OVCH1: variants seen among roughly 807,000 people sequenced by gnomAD.
The protein encoded by OVCH1 is ovochymase-1.
A neutral mutation model predicts 138.4 loss-of-function variants in OVCH1; 139 were observed. The ratio of observed to expected loss-of-function variants is 1.00; its 90% CI spans 0.87 to 1.16. OVCH1 has a LOEUF of 1.16. Among genes scored for constraint, OVCH1 ranks in the 50% most tolerant of loss-of-function variants. OVCH1 has a pLI of 0.00. For missense variants in OVCH1, 1,367 were observed against 1,357.9 expected, an observed-to-expected ratio of 1.01 and a Z score of -0.11; for synonymous variants, 453 against 467.8, an observed-to-expected ratio of 0.97 and a Z score of 0.41.
chr12:29,496,070 AG>A, intron 3 of OVCH1, 110 bp downstream of exon 3: 1 of 936,484 alleles, frequency 1.1e-6, no homozygotes, highest in Middle Eastern at 2.2e-4. Flanking sequence ...GTACACTGGG[AG>A]GCAAAAGTAA....
chr12:29,411,256 C>T (rs1940951296), downstream of OVCH1, among the ~76,000 whole-genome samples: 1 of 139,452 alleles, frequency 7.2e-6, no homozygotes, highest in Non-Finnish European at 1.6e-5. Context: ...TTTGAATTTC[C>T]TCCTGTAGCT....
chr12:29,410,524 G>T (rs1234729876), downstream of OVCH1, among the ~76,000 whole-genome samples: 2 of 124,206 alleles, frequency 1.6e-5, 1 homozygote, highest in Non-Finnish European at 3.7e-5. Flanking sequence ...AAATCTGTCA[G>T]CATTTGCTTG....
At chr12:29,477,189 T>G in exon 12 of OVCH1, 1 of 1,613,836 alleles carries the variant, frequency 6.2e-7, no homozygotes, top group South Asian at 1.1e-5. Context: ...CAGAGTGATT[T>G]GTCCCTTCTT....
At chr12:29,423,157 T>TC (rs1184131311), downstream of OVCH1, 1 of 446,716 alleles carries the variant, frequency 2.2e-6, no homozygotes, top group South Asian at 1.6e-5. Context: ...TCAATATTGC[T>TC]CTTCTGTGAT....
chr12:29,417,826 G>A (rs1458016021), intron 3 of OVCH1, among the ~76,000 whole-genome samples: 7 of 151,774 alleles, frequency 4.6e-5, no homozygotes, highest in Non-Finnish European at 8.8e-5. Context: ...GCAACCCAGA[G>A]ATTACACTGT....
chr12:29,445,164 T>C, intron 23 of OVCH1, 114 bp downstream of exon 23: 1 of 1,252,372 alleles, frequency 8.0e-7, no homozygotes, highest in Middle Eastern at 2.1e-4. Context: ...ATATACTCAT[T>C]TCCCCACAGA....
In OVCH1 at chr12:29,445,375, TGAGTA is replaced by T. The variant is rs1941585000; in HGVS notation, c.2779_2783del (p.Tyr927AsnfsTer38). ...GCGGTCCAGGACTCATGAAAGTCAT[TGAGTA>T]AAGTCTTCTTCCATGTAATCCACCT... On this transcript the variant is annotated frameshift_variant, in exon 23 of 28. Transcript: ENST00000318184. LOFTEE classifies it high-confidence loss of function. 1.2e-6 allele frequency: 2 copies of T among 1,610,872 alleles called. No individual in the cohort carries two copies. Among genetic ancestry groups the T allele is most frequent in the Non-Finnish European group, 1.7e-6 (2 of 1,177,756 alleles).
intron 23 of OVCH1, among the ~76,000 whole-genome samples, chr12:29,444,858 CTCTAA>C (rs1941572712): frequency 1.3e-5 from 2 of 152,042 alleles, no homozygotes; most frequent in East Asian, 3.9e-4. Flanking sequence ...TCAAAACTTA[CTCTAA>C]TCTTTTATTA....
At chr12:29,470,510 C>T (rs1281971815) in intron 16 of OVCH1, among the ~76,000 whole-genome samples, 2 of 152,116 alleles carry the variant, frequency 1.3e-5, no homozygotes, top group Non-Finnish European at 2.9e-5. Flanking sequence ...AGAATGATGG[C>T]TTCCAGCTTT....
downstream of OVCH1, chr12:29,423,240 A>G (rs1228388122): frequency 2.2e-6 from 1 of 455,978 alleles, no homozygotes; most frequent in Non-Finnish European, 4.4e-6. Flanking sequence ...TAAAATGCAC[A>G]GTCAGGTAAG....
At chr12:29,474,050 ATACT>A (rs1942609274) in intron 14 of OVCH1, among the ~76,000 whole-genome samples, 2 of 141,420 alleles carry the variant, frequency 1.4e-5, no homozygotes, top group South Asian at 4.4e-4. Context: ...ATGTAAGTTA[ATACT>A]TAATAAACAC....
chr12:29,471,971 T>A (rs753280747), exon 16 of OVCH1: 3 of 1,611,346 alleles, frequency 1.9e-6, no homozygotes, highest in Non-Finnish European at 8.5e-7. Context: ...AATGGAGGGA[T>A]GCCACAGACA....
At chr12:29,423,226 G>A, downstream of OVCH1, 1 of 455,942 alleles carries the variant, frequency 2.2e-6, no homozygotes, top group Non-Finnish European at 4.4e-6. Context: ...AGACTCATCA[G>A]TCTTAAAATG....
At chr12:29,427,487 A>C, downstream of OVCH1, 1 of 1,530,254 alleles carries the variant, frequency 6.5e-7, no homozygotes, top group Non-Finnish European at 8.8e-7. Context: ...CATTTGAATG[A>C]TTGAGGACGT....
At chr12:29,486,938 G>A in intron 7 of OVCH1, 1 of 455,766 alleles carries the variant, frequency 2.2e-6, no homozygotes, top group Non-Finnish European at 4.4e-6. Context: ...CCCCTGCAGT[G>A]GAGCAGTGAA....
chr12:29,472,957 G>A (rs1942565490), intron 15 of OVCH1, 72 bp downstream of exon 15: 1 of 1,315,838 alleles, frequency 7.6e-7, no homozygotes, highest in Non-Finnish European at 1.1e-6. Flanking sequence ...TAAGATAAGG[G>A]CTTCCAAAAG....
chr12:29,447,920 C>G (rs1362546744), intron 22 of OVCH1, among the ~76,000 whole-genome samples: 1 of 151,804 alleles, frequency 6.6e-6, no homozygotes, highest in Non-Finnish European at 1.5e-5. Context: ...CTTCTTGATA[C>G]AAACAGGCAA....
chr12:29,418,853 T>C (rs1025082453), intron 3 of OVCH1, among the ~76,000 whole-genome samples: 5 of 152,188 alleles, frequency 3.3e-5, no homozygotes, highest in African/African-American at 1.2e-4. Flanking sequence ...TATTTTACAT[T>C]TCTCTTTGTT....
intron 4 of OVCH1, among the ~76,000 whole-genome samples, chr12:29,492,382 A>T (rs1015131627): frequency 2.0e-5 from 3 of 152,134 alleles, no homozygotes; most frequent in African/African-American, 7.2e-5. Flanking sequence ...AAAAGAGGGT[A>T]TGTCAGATAA....
Sources: allele counts gnomAD v4.1 joint callset (sites outside exome capture counted in the v4.1 genomes callset), GRCh38; gene constraint gnomAD v4.1.1; transcripts MANE v1.5; gene names NCBI Gene and HGNC (gene_info 2026-07-23, HGNC 2026-07-21).